The following ZNF471 variants were observed in gnomAD, a reference collection of about 807,000 sequenced individuals.
ZNF471 encodes the protein EZFIT-related protein 1.
A neutral mutation model predicts 13.7 loss-of-function variants in ZNF471; 7 were observed. That is an observed-to-expected ratio of 0.51 (90% CI 0.29 to 0.96). ZNF471 has a LOEUF of 0.96. ZNF471 is among the 40% of genes least tolerant of loss of function. The probability of loss-of-function intolerance (pLI) is 0.08; values close to 1 mark genes in which losing one functional copy is unlikely to be tolerated. For synonymous variants in ZNF471, 218 were observed against 235.6 expected (o/e 0.93, Z 0.68); for missense variants, 663 against 743.3 (o/e 0.89, Z 1.26).
At position 56,529,215 on chromosome 19, in the gene ZNF471, G is replaced by A. The variant is rs1450149747; in HGVS notation, c.*3267G>A. On this transcript the variant is annotated 3_prime_UTR_variant, in exon 5 of 5. Coordinates refer to ENST00000308031, the MANE Select transcript of ZNF471 (RefSeq NM_020813.4). ...AATCAGAAGGGAGGTTTTGTAGAAG[G>A]TCGTATCCATGGGTTTTTTATATTT... 1 of 152,196 alleles carries A rather than the reference G, an allele frequency of 6.6e-6. No individual in the cohort carries two copies. Among genetic ancestry groups the A allele is most frequent in the Non-Finnish European group, 1.5e-5 (1 of 68,040 alleles). 9.4% of individuals were successfully genotyped at this position (152,196 alleles called of 1,614,324 possible). A position where few individuals can be genotyped will look rare whatever the true frequency, so the allele number is the denominator to read the frequency against.
rs1446298603 is a variant in ZNF471 at position 56,508,319 on chromosome 19, TGA to T, written c.-56+404_-56+405del. Among the ~76,000 whole-genome samples, 2 of 151,072 alleles carry T rather than the reference TGA, an allele frequency of 1.3e-5. No individual in the cohort carries two copies. Among genetic ancestry groups the T allele is most frequent in the South Asian group, 2.1e-4 (1 of 4,752 alleles). ...TGTGACAGAGCGAGACGGGCCAGTGTGAGAGACCAGTGAGTGTGAGAGAGATA... is the reference window on the plus strand; with the variant it reads ...TGTGACAGAGCGAGACGGGCCAGTGTGAGACCAGTGAGTGTGAGAGAGATA... On this transcript the variant is annotated intron_variant, in intron 1 of 4. Transcript: ENST00000308031. This position sits in a 1 kb window ranked among gnomAD's most constrained non-coding sequence, Gnocchi z 4.7.
rs772843657 is a variant in ZNF471, at chr19:56,525,904, T to G, written c.1837T>G (p.Ser613Ala). The stretch of plus-strand genomic sequence containing the variant: ...TGGGAAGGCGTTCAGAAGAAAGTTA[T>G]CCTTAATTTGTCATCAAAGAAGTCA... ...ECGKAFRRKL[S>A]LICHQRSHTG... Residue 613 changes from serine (S) to alanine (A), a missense_variant, in exon 5 of 5, where the codon TCC becomes GCC. Physicochemically the swap from Ser to Ala is moderately conservative, Grantham distance 99 (BLOSUM62 1). Coordinates refer to ENST00000308031, the MANE Select transcript of ZNF471 (RefSeq NM_020813.4). 1.9e-6 allele frequency: 3 copies of G among 1,581,164 alleles called. No individual in the cohort carries two copies. The African/African-American group carries it at 4.1e-5, about 22-fold the overall frequency.
rs986118480 is a variant in ZNF471, at chr19:56,529,228, GT to G, written c.*3286del. ...GTTTTGTAGAAGGTCGTATCCATGG[GT>G]TTTTTATATTTGAAAAGTGTTTTCG... On this transcript the variant is annotated 3_prime_UTR_variant, in exon 5 of 5. Coordinates refer to ENST00000308031, the MANE Select transcript of ZNF471 (RefSeq NM_020813.4). The G allele has an allele frequency of 6.6e-6, 1 of 152,180 alleles. No individual in the cohort carries two copies. The highest frequency in any genetic ancestry group is 2.4e-5 in the African/African-American group (1 of 41,444). 9.4% of individuals were successfully genotyped at this position (152,180 alleles called of 1,614,324 possible).
In ZNF471 at chr19:56,525,431, G is replaced by A; in HGVS notation, c.1364G>A (p.Gly455Glu). Residue 455 changes from glycine (G) to glutamate (E), a missense_variant, in exon 5 of 5, where the codon GGA becomes GAA. Transcript: ENST00000308031. ...ACTCAGCATCAAAGAGTACATTCTG[G>A]AGAGAAACCGTATGAATGCAAGGAA... ...SLTQHQRVHS[G>E]EKPYECKECG... 2.5e-6 allele frequency: 4 copies of A among 1,614,170 alleles called. No homozygotes were observed. The highest frequency in any genetic ancestry group is 1.1e-5 in the South Asian group (1 of 91,086).
In ZNF471 at chr19:56,524,518, G is replaced by A; in HGVS notation, c.451G>A (p.Glu151Lys). Reference protein sequence around the residue: ...FSKKEIITHKETITKETEFKY... With the variant: ...FSKKEIITHKKTITKETEFKY... ...CAAGAAAGAAATAATCACTCATAAA[G>A]AAACCATCACTAAGGAAACAGAATT... is the stretch of plus-strand genomic sequence containing the variant. The change falls in exon 5 of 5, where the codon GAA becomes AAA. Residue 151 changes from glutamate (E) to lysine (K), a missense_variant. Glu to Lys is a moderately conservative substitution (Grantham distance 56). Transcript: ENST00000308031. The surrounding 1 kb of genome is among the most constrained non-coding windows in gnomAD (Gnocchi z 4.8). The A allele has an allele frequency of 6.2e-7, 1 of 1,606,270 alleles. No homozygotes were observed. Among genetic ancestry groups the A allele is most frequent in the South Asian group, 1.1e-5 (1 of 88,850 alleles).
Position 56,525,660 on chromosome 19 carries a change from C to T in ZNF471, c.1593C>T (p.Ala531=). The T allele has an allele frequency of 6.2e-7, 1 of 1,613,032 alleles. No homozygotes were observed. The highest frequency in any genetic ancestry group is 8.5e-7 in the Non-Finnish European group (1 of 1,179,760). The change falls in exon 5 of 5, where the codon GCC becomes GCT. Residue 531 remains alanine, a synonymous_variant. Transcript: ENST00000308031. ...GNAFKQRSHL[A]QHQKTHTGEK... is the part of the protein sequence containing the mutation. The stretch of plus-strand genomic sequence containing the variant: ...CTTTCAAACAGAGATCACACCTTGC[C>T]CAACATCAGAAAACTCATACAGGAG...
chr19:56,512,417 G>A (rs950226760), intron 2 of ZNF471, among the ~76,000 whole-genome samples: 1 of 151,538 alleles, frequency 6.6e-6, no homozygotes, highest in African/African-American at 2.4e-5. Context: ...TATCATGGTA[G>A]GGCTGAAATT....
intron 2 of ZNF471, among the ~76,000 whole-genome samples, chr19:56,514,189 G>A (rs1365155220): frequency 6.6e-6 from 1 of 151,008 alleles, no homozygotes; most frequent in Non-Finnish European, 1.5e-5. Flanking sequence ...GGCCACTCGA[G>A]TAGCTGGGAT....
chr19:56,508,016 C>T lies in ZNF471; in HGVS notation c.-56+96C>T. 3 of 985,816 alleles carry T rather than the reference C, an allele frequency of 3.0e-6. No individual in the cohort carries two copies. The highest frequency in any genetic ancestry group is 2.4e-6 in the Non-Finnish European group (2 of 830,226). The allele number at this position is 985,816 out of a possible 1,614,324, so 61.1% of individuals were successfully genotyped here. A position where few individuals can be genotyped will look rare whatever the true frequency, so the allele number is the denominator to read the frequency against. ...CCGACGCGGGTCGCGAAGGCCCAGC[C>T]GCGTCCTCTGTCCCCAGGACGACTA... On this transcript the variant is annotated intron_variant, in intron 1 of 4. Coordinates refer to ENST00000308031, the MANE Select transcript of ZNF471 (RefSeq NM_020813.4). This position sits in a 1 kb window ranked among gnomAD's most constrained non-coding sequence, Gnocchi z 4.7.
chr19:56,525,563 G>T lies in ZNF471; in HGVS notation c.1496G>T (p.Ser499Ile). 1 of 1,613,922 alleles carries T rather than the reference G, an allele frequency of 6.2e-7. No individual in the cohort carries two copies. Among genetic ancestry groups the T allele is most frequent in the Non-Finnish European group, 8.5e-7 (1 of 1,179,972 alleles). Residue 499 changes from serine to isoleucine, a missense_variant, in exon 5 of 5, where the codon AGT becomes ATT. Physicochemically the swap from Ser to Ile is moderately radical, Grantham distance 142. Transcript: ENST00000308031. ...CKECGKAFRI[S>I]SQLATHQRIH... ...GAATGTGGAAAAGCTTTTAGAATCA[G>T]TTCACAGCTGGCTACTCATCAGAGA...
chr19:56,522,874 T>C lies in ZNF471; in HGVS notation c.257-1450T>C, dbSNP rs1382261442. Among the ~76,000 whole-genome samples, 1 of 152,006 alleles carries C rather than the reference T, an allele frequency of 6.6e-6. No homozygotes were observed. Among genetic ancestry groups the C allele is most frequent in the African/African-American group, 2.4e-5 (1 of 41,390 alleles). On this transcript the variant is annotated intron_variant, in intron 4 of 4. Transcript: ENST00000308031. This position sits in a 1 kb window ranked among gnomAD's most constrained non-coding sequence, Gnocchi z 4.1. ...GCTTTAGCCTCCCAGGTAGCTGGGATTACAGGCAGGTGACACCATGCCCCG... is the reference window on the plus strand; with the variant it reads ...GCTTTAGCCTCCCAGGTAGCTGGGACTACAGGCAGGTGACACCATGCCCCG...
rs62123030 is a variant in ZNF471, at chr19:56,526,892, G to C, written c.*944G>C. 35,739 of 152,452 alleles carry C rather than the reference G, an allele frequency of 0.23. 4,413 individuals carry two copies. The highest frequency in any genetic ancestry group is 0.26 in the Middle Eastern group (77 of 296). 9.4% of individuals were successfully genotyped at this position (152,452 alleles called of 1,614,324 possible). A position where few individuals can be genotyped will look rare whatever the true frequency, so the allele number is the denominator to read the frequency against. On this transcript the variant is annotated 3_prime_UTR_variant, in exon 5 of 5. Coordinates refer to ENST00000308031, the MANE Select transcript of ZNF471 (RefSeq NM_020813.4). ...ACAAAGCACGTGGGGGAAAGGGGTG[G>C]CTGTGGGCACAGCTTCAGCAGACTT...
intron 1 of ZNF471, chr19:56,511,021 T>C: frequency 1.0e-6 from 1 of 984,382 alleles, no homozygotes; most frequent in Non-Finnish European, 1.2e-6. Context: ...GATGCAGTGG[T>C]GGGGATTGAG....
intron 1 of ZNF471, chr19:56,509,753 GTA>G (rs1261341663): frequency 1.9e-5 from 6 of 312,782 alleles, no homozygotes; most frequent in African/African-American, 2.5e-5. Context: ...GTGTGTGTGT[GTA>G]GATCCCCACA....
In ZNF471 at chr19:56,530,190, T is replaced by C. The variant is rs2044091625; in HGVS notation, c.*4242T>C. 1 of 152,124 alleles carries C rather than the reference T, an allele frequency of 6.6e-6. No individual in the cohort carries two copies. Among genetic ancestry groups the C allele is most frequent in the Non-Finnish European group, 1.5e-5 (1 of 68,020 alleles). 9.4% of individuals were successfully genotyped at this position (152,124 alleles called of 1,614,324 possible). ...CATGATGACATCGTTATTAACTACA[T>C]AAACTTTATAAAGCTTAAAAAATGC... is the stretch of plus-strand genomic sequence containing the variant. On this transcript the variant is annotated 3_prime_UTR_variant, in exon 5 of 5. Transcript: ENST00000308031.
rs79010642 is a variant in ZNF471, at chr19:56,510,543, G to A, written c.-55-974G>A. Reference sequence around the variant, plus strand: ...TGTGAAGGTGTTGGTGAATCACCACGTGTGCTTATATTCATGTCCTCAGGC... The same window carrying A: ...TGTGAAGGTGTTGGTGAATCACCACATGTGCTTATATTCATGTCCTCAGGC... On this transcript the variant is annotated intron_variant, in intron 1 of 4. Transcript: ENST00000308031. The surrounding 1 kb of genome is among the most constrained non-coding windows in gnomAD (Gnocchi z 4.3). The A allele has an allele frequency of 5.1e-3, 5,009 of 985,692 alleles. 182 individuals are homozygous for A. In the African/African-American group the frequency reaches 0.078, roughly 15 times the overall value. The allele number at this position is 985,692 out of a possible 1,614,324, so 61.1% of individuals were successfully genotyped here. A position where few individuals can be genotyped will look rare whatever the true frequency, so the allele number is the denominator to read the frequency against.
chr19:56,508,957 ATGT>A lies in ZNF471; in HGVS notation c.-56+1042_-56+1044del, dbSNP rs1205370892. 6.6e-6 allele frequency among the ~76,000 whole-genome samples: 1 copy of A among 152,166 alleles called. No individual in the cohort carries two copies. Among genetic ancestry groups the A allele is most frequent in the Non-Finnish European group, 1.5e-5 (1 of 68,018 alleles). On this transcript the variant is annotated intron_variant, in intron 1 of 4. Coordinates refer to ENST00000308031, the MANE Select transcript of ZNF471 (RefSeq NM_020813.4). The surrounding 1 kb of genome is among the most constrained non-coding windows in gnomAD (Gnocchi z 4.7). ...AGAGTCCAAAGAGTGAGACTAGGTT[ATGT>A]TGTTATGAGTTTGTGAGAGAGAGGG...
At chr19:56,512,119 T>G (rs1415786367) in intron 2 of ZNF471, among the ~76,000 whole-genome samples, 1 of 151,652 alleles carries the variant, frequency 6.6e-6, no homozygotes, top group East Asian at 1.9e-4. Flanking sequence ...TTTGCAAATT[T>G]TATAAATTTA....
intron 2 of ZNF471, among the ~76,000 whole-genome samples, chr19:56,514,777 G>GTAC (rs2043858678): frequency 6.6e-6 from 1 of 152,062 alleles, no homozygotes; most frequent in Non-Finnish European, 1.5e-5. Context: ...TTTCCATACT[G>GTAC]TACTGTTTGT....
Sources: gnomAD v4.1 joint callset for allele counts (sites outside exome capture counted in the v4.1 genomes callset) on GRCh38, gnomAD v4.1.1 for gene constraint, Gnocchi (gnomAD v3.1) non-coding constraint, MANE v1.5 for transcripts, NCBI Gene and HGNC (gene_info 2026-07-23, HGNC 2026-07-21) for gene names.